PRKAG2: variants seen among roughly 807,000 people sequenced by gnomAD.
PRKAG2 encodes the protein 5'-AMP-activated protein kinase subunit gamma-2.
Under a neutral mutation model 69.6 loss-of-function variants are expected in PRKAG2, and 26 were observed. The ratio of observed to expected loss-of-function variants is 0.37; its 90% CI spans 0.27 to 0.52. The LOEUF is 0.52. Among genes scored for constraint, PRKAG2 ranks in the 20% least tolerant of loss-of-function variants. PRKAG2 has a pLI of 0.90. For synonymous variants in PRKAG2, 293 were observed against 285.0 expected (o/e 1.03, Z -0.28); for missense variants, 557 against 740.0 (o/e 0.75, Z 2.87).
intron 5 of PRKAG2, among the ~76,000 whole-genome samples, chr7:151,613,229 G>A (rs1819292951): frequency 6.6e-6 from 1 of 152,162 alleles, no homozygotes; most frequent in African/African-American, 2.4e-5. Context: ...ATTTGTAATA[G>A]CAATAAAAGG....
At chr7:151,762,802 A>G (rs2075495907) in intron 3 of PRKAG2, among the ~76,000 whole-genome samples, 1 of 152,192 alleles carries the variant, frequency 6.6e-6, no homozygotes, top group African/African-American at 2.4e-5. Context: ...CTGCAACCCT[A>G]AGAAGCATCC....
chr7:151,762,259 C>T (rs1320636693), intron 3 of PRKAG2, among the ~76,000 whole-genome samples: 1 of 152,224 alleles, frequency 6.6e-6, no homozygotes, highest in Non-Finnish European at 1.5e-5. Flanking sequence ...CTACACGCAT[C>T]TCCAGGGTGG....
intron 1 of PRKAG2, among the ~76,000 whole-genome samples, chr7:151,875,915 TC>T (rs2080387237): frequency 6.6e-6 from 1 of 151,194 alleles, no homozygotes; most frequent in African/African-American, 2.4e-5. Context: ...CAAAGTACAC[TC>T]CCGGGGCGGG....
At chr7:151,613,335 T>A (rs1256147191) in intron 5 of PRKAG2, among the ~76,000 whole-genome samples, 1 of 152,104 alleles carries the variant, frequency 6.6e-6, no homozygotes, top group Non-Finnish European at 1.5e-5. Context: ...AAAATCCAAA[T>A]TTTTTTGAGC....
chr7:151,606,030 G>A (rs1449131218), intron 5 of PRKAG2, among the ~76,000 whole-genome samples: 1 of 151,438 alleles, frequency 6.6e-6, no homozygotes, highest in Non-Finnish European at 1.5e-5. Flanking sequence ...CTGGGGAACA[G>A]AATGGTACTC....
chr7:151,658,482 CAAAAA>C (rs11286706), intron 4 of PRKAG2, among the ~76,000 whole-genome samples: 5 of 105,502 alleles, frequency 4.7e-5, no homozygotes, highest in African/African-American at 9.9e-5. Context: ...AAGATTGTCG[CAAAAA>C]AAAAAAAAAA....
rs1825041715 is a variant in PRKAG2 at position 151,632,916 on chromosome 7, C to T, written c.685-778G>A. The T allele has an allele frequency of 6.6e-6, 1 of 152,112 alleles. No individual in the cohort carries two copies. 9.4% of individuals were successfully genotyped at this position (152,112 alleles called of 1,614,324 possible). ...AAAACGTACACACCCTGAATCTGGC[C>T]CTGGCCGCTCAGGAGCTGGGTATCT... On this transcript the variant is annotated intron_variant, in intron 4 of 15. Coordinates refer to ENST00000287878, the MANE Select transcript of PRKAG2 (RefSeq NM_016203.4). This position sits in a 1 kb window ranked among gnomAD's most constrained non-coding sequence, Gnocchi z 4.2.
At chr7:151,628,031 A>G (rs1250442822) in intron 5 of PRKAG2, among the ~76,000 whole-genome samples, 8 of 152,200 alleles carry the variant, frequency 5.3e-5, no homozygotes, top group Non-Finnish European at 1.0e-4. Context: ...CTGGGATGAA[A>G]TAAGCGGCAA....
intron 3 of PRKAG2, among the ~76,000 whole-genome samples, chr7:151,715,691 T>C (rs972970152): frequency 2.0e-5 from 3 of 152,060 alleles, no homozygotes; most frequent in African/African-American, 7.2e-5. Flanking sequence ...ATTTGAGTTG[T>C]GATCTAGAAA....
At chr7:151,620,895 C>T (rs1191662596) in intron 5 of PRKAG2, among the ~76,000 whole-genome samples, 4 of 152,070 alleles carry the variant, frequency 2.6e-5, no homozygotes, top group Admixed American at 1.3e-4. Context: ...ACCTTGGCTT[C>T]CCAAAGGCCT....
intron 3 of PRKAG2, among the ~76,000 whole-genome samples, chr7:151,682,696 C>G (rs575288549): frequency 5.9e-5 from 9 of 152,156 alleles, no homozygotes; most frequent in Non-Finnish European, 8.8e-5. Flanking sequence ...TGGATTAGAG[C>G]AAGTCCCTGT....
rs938200562 is a variant in PRKAG2, at chr7:151,784,228, G to A, written c.186+2242C>T. On this transcript the variant is annotated intron_variant, in intron 2 of 15. Coordinates refer to ENST00000287878, the MANE Select transcript of PRKAG2 (RefSeq NM_016203.4). Reference sequence around the variant, plus strand: ...GGCCACATGGGAGGACCGGAGGGAGGGGTGGGATTTTGGAGCTGCTGGAAA... The same window carrying A: ...GGCCACATGGGAGGACCGGAGGGAGAGGTGGGATTTTGGAGCTGCTGGAAA... 4.7e-4 allele frequency among the ~76,000 whole-genome samples: 72 copies of A among 152,206 alleles called. 1 individual carries two copies. Among genetic ancestry groups the A allele is most frequent in the Non-Finnish European group, 1.8e-4 (12 of 68,042 alleles).
chr7:151,655,384 T>C (rs895437157), intron 4 of PRKAG2, among the ~76,000 whole-genome samples: 7 of 152,198 alleles, frequency 4.6e-5, no homozygotes, highest in Non-Finnish European at 1.0e-4. Context: ...ACACAGCCCA[T>C]GCAGAATCAC....
At chr7:151,869,362 G>A (rs1467135432) in intron 1 of PRKAG2, among the ~76,000 whole-genome samples, 2 of 152,232 alleles carry the variant, frequency 1.3e-5, no homozygotes, top group Admixed American at 6.5e-5. Context: ...CCAGGACCAA[G>A]CGCGAATAGG....
chr7:151,852,750 G>A (rs1452326146), intron 1 of PRKAG2, among the ~76,000 whole-genome samples: 1 of 152,078 alleles, frequency 6.6e-6, no homozygotes, highest in Non-Finnish European at 1.5e-5. Context: ...AGAGACCGGA[G>A]AGGCCAGGGG....
At chr7:151,766,310 G>A (rs1187457514) in intron 3 of PRKAG2, among the ~76,000 whole-genome samples, 6 of 152,200 alleles carry the variant, frequency 3.9e-5, no homozygotes, top group African/African-American at 1.2e-4. Context: ...TGGTAGGAAC[G>A]GGGAAGAAGT....
intron 1 of PRKAG2, among the ~76,000 whole-genome samples, chr7:151,873,963 T>C (rs1342582995): frequency 3.3e-5 from 5 of 149,466 alleles, no homozygotes; most frequent in Non-Finnish European, 7.4e-5. Flanking sequence ...CTGATGTATA[T>C]GTATATGTAT....
intron 4 of PRKAG2, among the ~76,000 whole-genome samples, chr7:151,644,962 T>C (rs1275313544): frequency 1.3e-5 from 2 of 152,234 alleles, no homozygotes; most frequent in East Asian, 1.9e-4. Flanking sequence ...TGGTAATTAA[T>C]GTGTTTTCTT....
chr7:151,806,936 A>T (rs780392113), intron 1 of PRKAG2: 20 of 451,266 alleles, frequency 4.4e-5, no homozygotes, highest in South Asian at 3.2e-4. Flanking sequence ...ATTGCACTCC[A>T]GCCTGGGGAA....
Sources: gnomAD v4.1 joint callset for allele counts (sites outside exome capture counted in the v4.1 genomes callset) on GRCh38, gnomAD v4.1.1 for gene constraint, Gnocchi (gnomAD v3.1) non-coding constraint, MANE v1.5 for transcripts, NCBI Gene and HGNC (gene_info 2026-07-23, HGNC 2026-07-21) for gene names.